Variants in CDH12 observed in about 807,000 individuals in gnomAD.
CDH12 encodes cadherin 12, also known as cadherin-12.
In CDH12, 41 loss-of-function variants were observed where a neutral mutation model predicts 74.1. That is an observed-to-expected ratio of 0.55 (90% CI 0.43 to 0.72). CDH12 has a LOEUF of 0.72. CDH12 is among the 30% of genes least tolerant of loss of function. CDH12 has a pLI of 0.00. For synonymous variants in CDH12, 399 were observed against 355.0 expected (o/e 1.12, Z -1.39); for missense variants, 945 against 977.2 (o/e 0.97, Z 0.44).
At chr5:22,588,550 T>C (rs965944839) in intron 1 of CDH12, among the ~76,000 whole-genome samples, 1 of 152,156 alleles carries the variant, frequency 6.6e-6, no homozygotes, top group Non-Finnish European at 1.5e-5. Context: ...AGTTGCAACA[T>C]GAGTAATATC....
chr5:22,427,801 C>T (rs1317329974), intron 2 of CDH12, among the ~76,000 whole-genome samples: 2 of 152,222 alleles, frequency 1.3e-5, no homozygotes, highest in South Asian at 2.1e-4. Context: ...TGTATCATGT[C>T]TATTTTATCG....
chr5:22,627,383 T>C (rs1738354210), intron 1 of CDH12, among the ~76,000 whole-genome samples: 1 of 150,884 alleles, frequency 6.6e-6, no homozygotes, highest in Non-Finnish European at 1.5e-5. Context: ...CAGGCTAACA[T>C]CAGATGTTTC....
chr5:22,553,825 T>A (rs1738679954), intron 1 of CDH12, among the ~76,000 whole-genome samples: 1 of 152,112 alleles, frequency 6.6e-6, no homozygotes, highest in African/African-American at 2.4e-5. Flanking sequence ...CCTGAAATCA[T>A]CAGCATTAGA....
chr5:21,897,326 G>A (rs930992396), intron 6 of CDH12, among the ~76,000 whole-genome samples: 15 of 152,070 alleles, frequency 9.9e-5, no homozygotes, highest in Admixed American at 5.2e-4. Flanking sequence ...GGTTTCCTCC[G>A]AGCGGATGAC....
chr5:22,154,325 TC>T (rs1360032729), intron 4 of CDH12, among the ~76,000 whole-genome samples: 1 of 151,450 alleles, frequency 6.6e-6, no homozygotes, highest in Non-Finnish European at 1.5e-5. Flanking sequence ...CTACATTAGG[TC>T]TCCAGAAATT....
intron 1 of CDH12, among the ~76,000 whole-genome samples, chr5:22,772,844 A>G (rs561033546): frequency 6.6e-6 from 1 of 152,208 alleles, no homozygotes; most frequent in South Asian, 2.1e-4. Context: ...TGAAAATACT[A>G]GCACTTAGAA....
intron 6 of CDH12, among the ~76,000 whole-genome samples, chr5:21,880,539 C>CTTCCTTCCTTCCTTCCTTCCTTCCCTTCT (rs1752210420): frequency 9.6e-6 from 1 of 104,474 alleles, no homozygotes; most frequent in Non-Finnish European, 2.0e-5. Flanking sequence ...CCTTCTTTTC[C>CTTCCTTCCTTCCTTCCTTCCTTCCCTTCT]TTCCTTCCTT....
chr5:22,027,939 C>T (rs1458954494), intron 5 of CDH12, among the ~76,000 whole-genome samples: 1 of 152,018 alleles, frequency 6.6e-6, no homozygotes, highest in Non-Finnish European at 1.5e-5. Context: ...CCTACTTTCT[C>T]TTGTGGGCAT....
chr5:21,822,738 C>A (rs139763923), intron 8 of CDH12, among the ~76,000 whole-genome samples: 4 of 152,166 alleles, frequency 2.6e-5, no homozygotes, highest in African/African-American at 9.6e-5. Context: ...TAAATTACTT[C>A]GCTTTTGAGA....
intron 1 of CDH12, among the ~76,000 whole-genome samples, chr5:22,768,458 T>C (rs1385708968): frequency 6.6e-6 from 1 of 152,068 alleles, no homozygotes; most frequent in East Asian, 1.9e-4. Flanking sequence ...ACATCTATGA[T>C]CTAGATGGGT....
Position 21,812,076 on chromosome 5 carries a change from T to C in CDH12, c.1002+4869A>G, listed in dbSNP as rs143127806. 9.8e-3 allele frequency among the ~76,000 whole-genome samples: 1,495 copies of C among 152,098 alleles called. 33 individuals carry two copies. Among genetic ancestry groups the C allele is most frequent in the African/African-American group, 0.034 (1,431 of 41,534 alleles). On this transcript the variant is annotated intron_variant, in intron 9 of 14. Transcript: ENST00000382254. ...TAGTGAAAGAAAAGCAAATAAAAGA[T>C]TTTGAAGATAAAACAGTAATAACAA...
chr5:22,206,007 T>C (rs1244374676), intron 4 of CDH12, among the ~76,000 whole-genome samples: 2 of 151,858 alleles, frequency 1.3e-5, no homozygotes, highest in Non-Finnish European at 2.9e-5. Flanking sequence ...AAATATAATA[T>C]ACATATTTCT....
intron 5 of CDH12, among the ~76,000 whole-genome samples, chr5:22,066,272 A>G (rs902504129): frequency 6.6e-6 from 1 of 152,090 alleles, no homozygotes; most frequent in African/African-American, 2.4e-5. Context: ...CCCCAGCACT[A>G]TACACTGAAC....
intron 2 of CDH12, 50 bp downstream of exon 2, chr5:22,505,220 T>C: frequency 9.8e-6 from 5 of 511,136 alleles, no homozygotes; most frequent in Non-Finnish European, 1.3e-5. Flanking sequence ...TTTTCAGGTA[T>C]TAATTAAGAA....
rs112664836 is a variant in CDH12 at position 22,412,699 on chromosome 5, C to T, written c.-427-7348G>A. 4.6e-3 allele frequency among the ~76,000 whole-genome samples: 705 copies of T among 151,838 alleles called. 4 individuals are homozygous for T. Among genetic ancestry groups the T allele is most frequent in the Admixed American group, 0.01 (157 of 15,224 alleles). On this transcript the variant is annotated intron_variant, in intron 2 of 14. Coordinates refer to ENST00000382254, the MANE Select transcript of CDH12 (RefSeq NM_004061.5). ...AAAGCTGCTTAATATTGAGGTGAGA[C>T]GGCCATGGGCACACTTAGGCTATAC... is the stretch of plus-strand genomic sequence containing the variant.
At chr5:22,204,887 A>G (rs1333160411) in intron 4 of CDH12, among the ~76,000 whole-genome samples, 2 of 152,296 alleles carry the variant, frequency 1.3e-5, no homozygotes, top group South Asian at 4.1e-4. Flanking sequence ...CATTGACAGC[A>G]GTCTGTACAT....
At chr5:21,942,308 G>A (rs1755365255) in intron 6 of CDH12, among the ~76,000 whole-genome samples, 1 of 147,714 alleles carries the variant, frequency 6.8e-6, no homozygotes, top group Non-Finnish European at 1.5e-5. Context: ...GTAGTAATGT[G>A]CTCCAGCCAC....
intron 7 of CDH12, among the ~76,000 whole-genome samples, chr5:21,846,409 G>C (rs1237364879): frequency 9.1e-6 from 1 of 109,912 alleles, no homozygotes; most frequent in Non-Finnish European, 2.1e-5. Context: ...CCTCAGCATG[G>C]GAAAAGGAAC....
intron 1 of CDH12, among the ~76,000 whole-genome samples, chr5:22,759,083 A>G (rs1363713439): frequency 6.6e-6 from 1 of 152,126 alleles, no homozygotes; most frequent in African/African-American, 2.4e-5. Flanking sequence ...ACAGACCCAA[A>G]CAAGTCCAAA....
Sources: allele counts gnomAD v4.1 joint callset (sites outside exome capture counted in the v4.1 genomes callset), GRCh38; gene constraint gnomAD v4.1.1; transcripts MANE v1.5; gene names NCBI Gene and HGNC (gene_info 2026-07-23, HGNC 2026-07-21).